GRID2: variants seen among roughly 807,000 people sequenced by gnomAD.
GRID2 encodes the protein glutamate ionotropic receptor delta type subunit 2.
GRID2 carries 33 observed loss-of-function variants against 114.8 expected under a neutral mutation model. The ratio of observed to expected loss-of-function variants is 0.29; its 90% confidence interval spans 0.22 to 0.38. GRID2 has a LOEUF of 0.38. Among genes scored for constraint, GRID2 ranks in the 10% least tolerant of loss-of-function variants. The probability of loss-of-function intolerance (pLI) is 1.00; values close to 1 mark genes in which losing one functional copy is unlikely to be tolerated. For missense variants in GRID2, 1,184 were observed against 1,257.7 expected, an observed-to-expected ratio of 0.94 and a Z score of 0.89; for synonymous variants, 505 against 449.9, an observed-to-expected ratio of 1.12 and a Z score of -1.55.
intron 2 of GRID2, among the ~76,000 whole-genome samples, chr4:92,904,576 A>G (rs1747814121): frequency 6.6e-6 from 1 of 151,884 alleles, no homozygotes; most frequent in Non-Finnish European, 1.5e-5. Context: ...TATAAAGTCG[A>G]TGTAAAAGTA....
intron 1 of GRID2, among the ~76,000 whole-genome samples, chr4:92,312,901 T>C (rs536682287): frequency 1.3e-5 from 2 of 152,094 alleles, no homozygotes; most frequent in East Asian, 3.9e-4. Flanking sequence ...GAACTAAAAG[T>C]AGAACTATCA....
chr4:92,822,189 T>TA, intron 2 of GRID2: 1 of 441,190 alleles, frequency 2.3e-6, no homozygotes, highest in Non-Finnish European at 4.4e-6. Flanking sequence ...GCAGAACCAG[T>TA]AGCAGTTGAG....
intron 1 of GRID2, among the ~76,000 whole-genome samples, chr4:92,405,629 T>C (rs759948033): frequency 6.6e-6 from 1 of 151,532 alleles, no homozygotes; most frequent in East Asian, 2.0e-4. Context: ...TGTTTCCACA[T>C]AGCAATACAT....
intron 13 of GRID2, among the ~76,000 whole-genome samples, chr4:93,563,907 A>G (rs1017947220): frequency 6.6e-6 from 1 of 152,008 alleles, no homozygotes; most frequent in African/African-American, 2.4e-5. Context: ...ATGTTACTAC[A>G]TTTTAATAGA....
intron 4 of GRID2, among the ~76,000 whole-genome samples, chr4:93,196,518 G>A (rs1447895691): frequency 1.3e-5 from 2 of 152,086 alleles, no homozygotes; most frequent in South Asian, 4.1e-4. Flanking sequence ...AAATCCCCAT[G>A]TAATACTGGA....
chr4:93,580,815 C>A (rs1297058554), intron 13 of GRID2, among the ~76,000 whole-genome samples: 1 of 150,398 alleles, frequency 6.6e-6, no homozygotes, highest in Non-Finnish European at 1.5e-5. Context: ...AAACAACCCC[C>A]CCCAGTAACC....
At chr4:93,145,644 CTTTTTTTTTTTTTTTT>C (rs10605313) in intron 4 of GRID2, among the ~76,000 whole-genome samples, 1 of 45,702 alleles carries the variant, frequency 2.2e-5, no homozygotes, top group South Asian at 8.9e-4. Context: ...TTCTTTTTTC[CTTTTTTTTTTTTTTTT>C]TTTTTTTTTT....
chr4:93,765,471 C>T (rs1015252001), intron 14 of GRID2, among the ~76,000 whole-genome samples: 1 of 151,894 alleles, frequency 6.6e-6, no homozygotes, highest in Non-Finnish European at 1.5e-5. Context: ...ACTTGAAGCA[C>T]CTAGAGAGGG....
intron 8 of GRID2, 111 bp downstream of exon 8, chr4:93,238,601 A>C: frequency 2.5e-6 from 2 of 787,580 alleles, no homozygotes; most frequent in East Asian, 3.3e-5. Context: ...TGTAGTGTGA[A>C]AGAGAAAGCA....
intron 2 of GRID2, chr4:92,702,740 G>A (rs1734743834): frequency 6.6e-6 from 1 of 151,726 alleles, no homozygotes; most frequent in Admixed American, 6.6e-5. Flanking sequence ...ACAGTATACT[G>A]TGAATTTATT....
chr4:93,719,680 T>C (rs971955050), intron 14 of GRID2, among the ~76,000 whole-genome samples: 31 of 152,300 alleles, frequency 2.0e-4, no homozygotes, highest in African/African-American at 7.5e-4. Context: ...CTAATGATGA[T>C]CTCATACCCA....
rs1385500181 is a variant in GRID2 at position 92,356,155 on chromosome 4, A to T, written c.88+51411A>T. On this transcript the variant is annotated intron_variant, in intron 1 of 15. Transcript: ENST00000282020. ...TTTGCTAACTTTCATATTTTAAAAA[A>T]ATGTGTCTTCAAATAAAATTTTATA... 2.0e-5 allele frequency among the ~76,000 whole-genome samples: 3 copies of T among 151,638 alleles called. No individual in the cohort carries two copies. The East Asian group carries it at 5.8e-4, about 29-fold the overall frequency.
In GRID2 at chr4:93,226,433, A is replaced by C. The variant is rs143390260; in HGVS notation, c.1125+1658A>C. Among the ~76,000 whole-genome samples the C allele has an allele frequency of 2.9e-3, 445 of 152,354 alleles. 1 individual carries two copies. The highest frequency in any genetic ancestry group is 0.01 in the Middle Eastern group (3 of 294). On this transcript the variant is annotated intron_variant, in intron 7 of 15. Coordinates refer to ENST00000282020, the MANE Select transcript of GRID2 (RefSeq NM_001510.4). The stretch of plus-strand genomic sequence containing the variant: ...AAAGAACAATAACTGGTCCTAAGTA[A>C]GTCTAAAACCCAACACGAAAAATAA...
At chr4:93,341,542 C>T (rs906664253) in intron 8 of GRID2, among the ~76,000 whole-genome samples, 6 of 152,214 alleles carry the variant, frequency 3.9e-5, no homozygotes, top group East Asian at 3.9e-4. Context: ...AGGGTGATCT[C>T]GAACTCCTGG....
At chr4:93,402,060 A>G (rs1333708141) in intron 9 of GRID2, among the ~76,000 whole-genome samples, 1 of 152,060 alleles carries the variant, frequency 6.6e-6, no homozygotes, top group Non-Finnish European at 1.5e-5. Flanking sequence ...AATGTACTTA[A>G]TTTCCTCTTA....
At chr4:93,268,620 A>G (rs895125570) in intron 8 of GRID2, among the ~76,000 whole-genome samples, 1 of 152,200 alleles carries the variant, frequency 6.6e-6, no homozygotes, top group African/African-American at 2.4e-5. Context: ...TAGATTTCAT[A>G]ATGTCTGCCA....
At chr4:93,720,160 C>T (rs1374945349) in intron 14 of GRID2, among the ~76,000 whole-genome samples, 8 of 152,240 alleles carry the variant, frequency 5.3e-5, no homozygotes, top group Admixed American at 4.6e-4. Flanking sequence ...AAAATGACTA[C>T]AAGAAGAGAA....
At chr4:93,442,846 T>G (rs901570894) in intron 10 of GRID2, among the ~76,000 whole-genome samples, 7 of 152,100 alleles carry the variant, frequency 4.6e-5, no homozygotes, top group Middle Eastern at 3.4e-3. Flanking sequence ...CCTCAAACAT[T>G]AAGTGTTCAA....
intron 10 of GRID2, among the ~76,000 whole-genome samples, chr4:93,438,270 TA>T (rs1721295673): frequency 6.6e-6 from 1 of 152,048 alleles, no homozygotes; most frequent in South Asian, 2.1e-4. Flanking sequence ...CATAGGGTAA[TA>T]CATACAGGGT....
Sources: allele counts gnomAD v4.1 joint callset (sites outside exome capture counted in the v4.1 genomes callset), GRCh38; gene constraint gnomAD v4.1.1; transcripts MANE v1.5; gene names NCBI Gene and HGNC (gene_info 2026-07-23, HGNC 2026-07-21).